CFTR: variants seen among roughly 807,000 people sequenced by gnomAD.
The protein encoded by CFTR is CF transmembrane conductance regulator.
A neutral mutation model predicts 171.6 loss-of-function variants in CFTR; 181 were observed. The observed-to-expected ratio is 1.05, with a 90% CI of 0.93 to 1.19. The LOEUF is 1.19. CFTR is among the 50% of genes most tolerant of loss of function. CFTR has a pLI of 0.00. For synonymous variants in CFTR, 583 were observed against 608.0 expected, an observed-to-expected ratio of 0.96 and a Z score of 0.60; for missense variants, 1,968 against 1,734.7, an observed-to-expected ratio of 1.13 and a Z score of -2.39.
At chr7:117,565,856 T>C (rs1335883886) in intron 11 of CFTR, among the ~76,000 whole-genome samples, 1 of 152,068 alleles carries the variant, frequency 6.6e-6, no homozygotes, top group Non-Finnish European at 1.5e-5. Context: ...GCAAGAAGTA[T>C]GAAAAAGCTT....
chr7:117,504,344 C>G lies in CFTR; in HGVS notation c.145C>G (p.Leu49Val). 2 of 1,589,954 alleles carry G rather than the reference C, an allele frequency of 1.3e-6. No individual in the cohort carries two copies. The highest frequency in any genetic ancestry group is 1.3e-5 in the African/African-American group (1 of 74,542). The change falls in exon 2 of 27, where the codon CTA (leucine) becomes GTA (valine). Residue 49 changes from leucine to valine, a missense_variant. Physicochemically the swap from Leu to Val is conservative, Grantham distance 32. Transcript: ENST00000003084. Reference protein sequence around the residue: ...QIPSVDSADNLSEKLEREWDR... With the variant: ...QIPSVDSADNVSEKLEREWDR... The stretch of plus-strand genomic sequence containing the variant: ...CCCTTCTGTTGATTCTGCTGACAAT[C>G]TATCTGAAAAATTGGAAAGGTATGT...
At chr7:117,600,122 C>T (rs1357833516) in intron 15 of CFTR, among the ~76,000 whole-genome samples, 2 of 151,764 alleles carry the variant, frequency 1.3e-5, no homozygotes, top group African/African-American at 4.8e-5. Context: ...TTCTTCAAAG[C>T]TATTAAACTG....
At chr7:117,648,732 A>C (rs145469818) in intron 23 of CFTR, among the ~76,000 whole-genome samples, 1 of 152,060 alleles carries the variant, frequency 6.6e-6, no homozygotes, top group African/African-American at 2.4e-5. Context: ...AGACCTTTCA[A>C]ATTTGGAGAT....
At chr7:117,609,813 G>A (rs973196366) in intron 18 of CFTR, among the ~76,000 whole-genome samples, 4 of 151,994 alleles carry the variant, frequency 2.6e-5, no homozygotes, top group African/African-American at 9.7e-5. Flanking sequence ...TATTTATCAT[G>A]CAATACTTTA....
rs746941790 is a variant in CFTR at position 117,548,771 on chromosome 7, A to G, written c.1340A>G (p.Lys447Arg). Reference sequence around the variant, plus strand: ...CCTGTCCTGAAAGATATTAATTTCAAGATAGAAAGAGGACAGTTGTTGGCG... The same window carrying G: ...CCTGTCCTGAAAGATATTAATTTCAGGATAGAAAGAGGACAGTTGTTGGCG... ...GTPVLKDINF[K>R]IERGQLLAVA... Residue 447 changes from lysine to arginine, a missense_variant, in exon 10 of 27, where the codon AAG becomes AGG. By Grantham distance (26) the Lys-to-Arg change is conservative. Transcript: ENST00000003084. 2.5e-6 allele frequency: 4 copies of G among 1,612,592 alleles called. No individual in the cohort carries two copies. Among genetic ancestry groups the G allele is most frequent in the Non-Finnish European group, 3.4e-6 (4 of 1,179,210 alleles).
Position 117,536,684 on chromosome 7 carries a change from C to T in CFTR, c.869+11C>T, listed in dbSNP as rs1800503. Reference sequence around the variant, plus strand: ...TGAAAACTTAAGACAGTAAGTTGTTCCAATAATTTCAATATTGTTAGTAAT... The same window carrying T: ...TGAAAACTTAAGACAGTAAGTTGTTTCAATAATTTCAATATTGTTAGTAAT... On this transcript the variant is annotated intron_variant, in intron 7 of 26. Coordinates refer to ENST00000003084, the MANE Select transcript of CFTR (RefSeq NM_000492.4). 0.077 allele frequency: 122,778 copies of T among 1,604,710 alleles called. 4,922 individuals carry two copies. Among genetic ancestry groups the T allele is most frequent in the Middle Eastern group, 0.1 (594 of 5,924 alleles).
At chr7:117,597,789 C>A (rs1792157201) in intron 15 of CFTR, among the ~76,000 whole-genome samples, 1 of 149,984 alleles carries the variant, frequency 6.7e-6, no homozygotes, top group Non-Finnish European at 1.5e-5. Flanking sequence ...TACCAAGCCT[C>A]TACTGTTCTT....
In CFTR at chr7:117,542,077, T is replaced by A; in HGVS notation, c.1178T>A (p.Val393Glu). ...TATAACTTAACGACTACAGAAGTAG[T>A]GATGGAGAATGTAACAGCCTTCTGG... ...LEYNLTTTEV[V>E]MENVTAFWEE... The change falls in exon 9 of 27, where the codon GTG (valine) becomes GAG (glutamate). Residue 393 changes from valine (V) to glutamate (E), a missense_variant. By Grantham distance (121) the Val-to-Glu change is moderately radical. Transcript: ENST00000003084. The A allele has an allele frequency of 1.2e-6, 2 of 1,600,940 alleles. No homozygotes were observed. Among genetic ancestry groups the A allele is most frequent in the Non-Finnish European group, 1.7e-6 (2 of 1,168,228 alleles).
chr7:117,572,005 G>GT (rs1791698075), intron 11 of CFTR, among the ~76,000 whole-genome samples: 3 of 151,726 alleles, frequency 2.0e-5, no homozygotes, highest in African/African-American at 4.8e-5. Flanking sequence ...TTATTTTATT[G>GT]TTTTTTTATT....
chr7:117,559,731 T>C, intron 11 of CFTR, 76 bp downstream of exon 11: 1 of 993,090 alleles, frequency 1.0e-6, no homozygotes, highest in Non-Finnish European at 1.6e-6. Context: ...TTTGGCTCCA[T>C]ATTCAATCGG....
intron 3 of CFTR, among the ~76,000 whole-genome samples, chr7:117,516,385 T>C (rs35011694): frequency 1.3e-5 from 2 of 152,160 alleles, no homozygotes; most frequent in African/African-American, 4.8e-5. Context: ...TAGTACAGTA[T>C]ACCATCTTTA....
At position 117,559,586 on chromosome 7, in the gene CFTR, TATC is replaced by T. The variant is rs121908745; in HGVS notation, c.1519_1521del (p.Ile507del). 129 of 1,612,720 alleles carry T rather than the reference TATC, an allele frequency of 8.0e-5. No individual in the cohort carries two copies. Among genetic ancestry groups the T allele is most frequent in the Admixed American group, 1.5e-4 (9 of 59,986 alleles). On this transcript the variant is annotated inframe_deletion, in exon 11 of 27. Transcript: ENST00000003084. ...TTATGCCTGGCACCATTAAAGAAAA[TATC>T]ATCTTTGGTGTTTCCTATGATGAAT...
At chr7:117,573,373 A>C (rs987994334) in intron 11 of CFTR, among the ~76,000 whole-genome samples, 1 of 152,154 alleles carries the variant, frequency 6.6e-6, no homozygotes, top group Non-Finnish European at 1.5e-5. Context: ...GTGCTTTACA[A>C]TCTCAAACAG....
At chr7:117,602,605 T>C (rs1368011928) in intron 15 of CFTR, among the ~76,000 whole-genome samples, 1 of 152,180 alleles carries the variant, frequency 6.6e-6, no homozygotes, top group East Asian at 1.9e-4. Context: ...TCAGTGAAAT[T>C]TGAATTCCAT....
chr7:117,649,784 T>A (rs1305736968), intron 23 of CFTR, among the ~76,000 whole-genome samples: 1 of 152,116 alleles, frequency 6.6e-6, no homozygotes, highest in African/African-American at 2.4e-5. Flanking sequence ...GCACATATAA[T>A]CTTAATACTC....
intron 10 of CFTR, among the ~76,000 whole-genome samples, chr7:117,549,363 T>C (rs942827612): frequency 1.3e-5 from 2 of 152,198 alleles, no homozygotes; most frequent in African/African-American, 2.4e-5. Context: ...CTCTTCTCCA[T>C]ATCCCACCCT....
At chr7:117,515,891 G>T (rs1281714541) in intron 3 of CFTR, among the ~76,000 whole-genome samples, 2 of 152,158 alleles carry the variant, frequency 1.3e-5, no homozygotes, top group African/African-American at 4.8e-5. Context: ...GTGTTCCTAG[G>T]TATTTTGTTC....
At chr7:117,659,195 C>T (rs1278705587) in intron 24 of CFTR, among the ~76,000 whole-genome samples, 2 of 152,158 alleles carry the variant, frequency 1.3e-5, no homozygotes, top group African/African-American at 2.4e-5. Context: ...TCAGGCCTCT[C>T]CTTACACATC....
chr7:117,557,974 A>G (rs547812752), intron 10 of CFTR, among the ~76,000 whole-genome samples: 2 of 151,854 alleles, frequency 1.3e-5, no homozygotes, highest in African/African-American at 4.8e-5. Flanking sequence ...TGTACATAAC[A>G]TAAAATTTAT....
Sources: allele counts gnomAD v4.1 joint callset (sites outside exome capture counted in the v4.1 genomes callset), GRCh38; gene constraint gnomAD v4.1.1; transcripts MANE v1.5; gene names NCBI Gene and HGNC (gene_info 2026-07-23, HGNC 2026-07-21).